Variants in SCARA3 observed in about 807,000 individuals in gnomAD.
SCARA3 encodes the protein cellular stress response gene protein.
SCARA3 carries 39 observed loss-of-function variants against 47.0 expected under a neutral mutation model. That is an observed-to-expected ratio of 0.83 (90% CI 0.64 to 1.08). SCARA3 has a LOEUF of 1.08. Ranked by LOEUF, SCARA3 falls within the 50% of genes least tolerant of loss-of-function variation. The pLI, the probability that SCARA3 is intolerant of heterozygous loss-of-function variation, is 0.00. For missense variants in SCARA3, 724 were observed against 792.3 expected, an observed-to-expected ratio of 0.91 and a Z score of 1.04; for synonymous variants, 356 against 334.1, an observed-to-expected ratio of 1.07 and a Z score of -0.71.
chr8:27,711,802 C>T, the SCARA3 span, among the ~76,000 whole-genome samples: 1 of 152,060 alleles, frequency 6.6e-6, no homozygotes, highest in South Asian at 2.1e-4. Context: ...GAGGAAAGTA[C>T]AGAGTTCCCA....
At chr8:27,690,233 A>T in the SCARA3 span, among the ~76,000 whole-genome samples, 3 of 152,138 alleles carry the variant, frequency 2.0e-5, no homozygotes, top group Non-Finnish European at 4.4e-5. Context: ...GTTTCCTCCC[A>T]TCAGTCAGGG....
At chr8:27,687,721 A>G in the SCARA3 span, among the ~76,000 whole-genome samples, 2 of 147,774 alleles carry the variant, frequency 1.4e-5, no homozygotes, top group African/African-American at 2.5e-5. Flanking sequence ...CTTAACTTAG[A>G]AAAAAAAAAA....
At chr8:27,680,839 A>C (rs1259173958), downstream of SCARA3, among the ~76,000 whole-genome samples, 6 of 152,206 alleles carry the variant, frequency 3.9e-5, no homozygotes, top group Non-Finnish European at 8.8e-5. Context: ...GGCTAGTTTA[A>C]TATTTTGAAA....
chr8:27,652,771 T>G (rs976653347), intron 3 of SCARA3, among the ~76,000 whole-genome samples: 1 of 152,174 alleles, frequency 6.6e-6, no homozygotes, highest in African/African-American at 2.4e-5. Context: ...AGGGGCATGG[T>G]TCTTCCCTCT....
chr8:27,634,252 A>G, intron 1 of SCARA3, 45 bp downstream of exon 1: 3 of 1,319,188 alleles, frequency 2.3e-6, no homozygotes, highest in South Asian at 2.4e-5. Flanking sequence ...GGCCGCCTGC[A>G]CCCCCGCTCC....
At chr8:27,700,952 A>G in the SCARA3 span, among the ~76,000 whole-genome samples, 1 of 152,226 alleles carries the variant, frequency 6.6e-6, no homozygotes, top group Non-Finnish European at 1.5e-5. Flanking sequence ...AGAGAAATGA[A>G]AATGTTTTTC....
downstream of SCARA3, among the ~76,000 whole-genome samples, chr8:27,673,230 G>T (rs1201663501): frequency 6.6e-6 from 1 of 152,240 alleles, no homozygotes; most frequent in African/African-American, 2.4e-5. Flanking sequence ...AGGAACAGAG[G>T]GGGAAATGCT....
chr8:27,655,769 A>G (rs1345747304), intron 3 of SCARA3, among the ~76,000 whole-genome samples: 1 of 152,222 alleles, frequency 6.6e-6, no homozygotes, highest in African/African-American at 2.4e-5. Flanking sequence ...AGATTCTTAC[A>G]TAATTGCTGT....
chr8:27,706,180 CT>C, the SCARA3 span, among the ~76,000 whole-genome samples: 64 of 152,248 alleles, frequency 4.2e-4, no homozygotes, highest in African/African-American at 1.4e-3. Context: ...GAGACAGAGT[CT>C]TGCTCTGTCA....
At chr8:27,715,154 G>A in the SCARA3 span, among the ~76,000 whole-genome samples, 3 of 151,912 alleles carry the variant, frequency 2.0e-5, no homozygotes, top group East Asian at 1.9e-4. This position sits in a 1 kb window ranked among gnomAD's most constrained non-coding sequence, Gnocchi z 4.2. Context: ...TCAAACTCCC[G>A]GCCTGAAACA....
chr8:27,666,262 A>G (rs1319823039), intron 5 of SCARA3, among the ~76,000 whole-genome samples: 3 of 152,174 alleles, frequency 2.0e-5, no homozygotes, highest in Non-Finnish European at 4.4e-5. Context: ...TCTTTGCACA[A>G]ACCAATAACA....
the SCARA3 span, among the ~76,000 whole-genome samples, chr8:27,723,030 T>G: frequency 6.6e-6 from 1 of 152,228 alleles, no homozygotes; most frequent in Non-Finnish European, 1.5e-5. Flanking sequence ...TCAACCACGC[T>G]GTGCATCTGC....
chr8:27,690,520 C>T, the SCARA3 span, among the ~76,000 whole-genome samples: 15 of 152,052 alleles, frequency 9.9e-5, no homozygotes, highest in African/African-American at 3.6e-4. Context: ...AGGAGGCTAC[C>T]TAAATTATGA....
chr8:27,713,066 T>C, the SCARA3 span, among the ~76,000 whole-genome samples: 1 of 152,258 alleles, frequency 6.6e-6, no homozygotes, highest in Non-Finnish European at 1.5e-5. Context: ...TTGACACTTT[T>C]ACTAACTTCT....
downstream of SCARA3, chr8:27,676,690 G>T: frequency 1.3e-6 from 1 of 769,364 alleles, no homozygotes; most frequent in South Asian, 1.5e-5. Context: ...ATCACCTTAA[G>T]CACATATTAT....
At chr8:27,674,728 T>C (rs1263161406), downstream of SCARA3, among the ~76,000 whole-genome samples, 7 of 138,994 alleles carry the variant, frequency 5.0e-5, no homozygotes, top group East Asian at 8.2e-4. Context: ...TCTCTCTCTT[T>C]TTTTTTTTTT....
intron 5 of SCARA3, among the ~76,000 whole-genome samples, chr8:27,663,858 C>A (rs1026800123): frequency 1.3e-5 from 2 of 152,190 alleles, no homozygotes; most frequent in Admixed American, 1.3e-4. Flanking sequence ...TGTGGCAGAG[C>A]CTTCCCCTGT....
the SCARA3 span, among the ~76,000 whole-genome samples, chr8:27,696,084 A>G: frequency 6.6e-6 from 1 of 151,810 alleles, no homozygotes; most frequent in South Asian, 2.1e-4. Flanking sequence ...ATCATAGCTC[A>G]CTGTGGCCTT....
At chr8:27,725,673 T>C in the SCARA3 span, among the ~76,000 whole-genome samples, 1 of 152,118 alleles carries the variant, frequency 6.6e-6, no homozygotes, top group Non-Finnish European at 1.5e-5. Context: ...CCAGCTGGGA[T>C]CATGGTTGGG....
Sources: allele counts gnomAD v4.1 joint callset (sites outside exome capture counted in the v4.1 genomes callset), GRCh38; gene constraint gnomAD v4.1.1; non-coding constraint Gnocchi (gnomAD v3.1); transcripts MANE v1.5; gene names NCBI Gene and HGNC (gene_info 2026-07-23, HGNC 2026-07-21).